NTRK3: variants seen among roughly 807,000 people sequenced by gnomAD.
The protein encoded by NTRK3 is NT-3 growth factor receptor.
A neutral mutation model predicts 91.7 loss-of-function variants in NTRK3; 24 were observed. The observed-to-expected ratio is 0.26, with a 90% CI of 0.19 to 0.37. The LOEUF is 0.37. Among genes scored for constraint, NTRK3 ranks in the 10% least tolerant of loss-of-function variants. NTRK3 has a pLI of 1.00. For missense variants in NTRK3, 880 were observed against 1,068.9 expected (o/e 0.82, Z 2.46); for synonymous variants, 483 against 404.0 (o/e 1.20, Z -2.34).
At chr15:88,064,184 A>G (rs2046449646) in intron 13 of NTRK3, among the ~76,000 whole-genome samples, 1 of 152,236 alleles carries the variant, frequency 6.6e-6, no homozygotes, top group Non-Finnish European at 1.5e-5. Flanking sequence ...AAAGAGACAA[A>G]GACAGATTTC....
chr15:88,037,532 T>C (rs961280116), intron 13 of NTRK3, among the ~76,000 whole-genome samples: 1 of 152,118 alleles, frequency 6.6e-6, no homozygotes, highest in Admixed American at 6.5e-5. Flanking sequence ...CACTGCACTC[T>C]AGCCTGGCAA....
intron 13 of NTRK3, among the ~76,000 whole-genome samples, chr15:88,034,781 A>G (rs895461905): frequency 2.0e-5 from 3 of 152,242 alleles, no homozygotes; most frequent in African/African-American, 7.2e-5. Context: ...TCCATGACAA[A>G]TATCTGACTG....
intron 3 of NTRK3, among the ~76,000 whole-genome samples, chr15:88,206,658 GAAAAAAAAA>G (rs758639696): frequency 1.7e-5 from 1 of 59,614 alleles, no homozygotes. Flanking sequence ...ACTCCGTCTC[GAAAAAAAAA>G]AAAAAAAAAA....
chr15:88,165,801 G>A (rs986008944), intron 5 of NTRK3, among the ~76,000 whole-genome samples: 5 of 152,186 alleles, frequency 3.3e-5, no homozygotes, highest in African/African-American at 7.2e-5. Context: ...CTGAGTCCAC[G>A]TGTCTAATTC....
intron 13 of NTRK3, among the ~76,000 whole-genome samples, chr15:88,058,801 C>T (rs963188040): frequency 6.6e-6 from 1 of 152,148 alleles, no homozygotes; most frequent in Admixed American, 6.5e-5. Flanking sequence ...TTCCAGAAAT[C>T]TCAATGTCAT....
At chr15:88,063,753 G>A (rs564184542) in intron 13 of NTRK3, among the ~76,000 whole-genome samples, 44 of 152,154 alleles carry the variant, frequency 2.9e-4, no homozygotes, top group Non-Finnish European at 5.4e-4. Context: ...CAATGGATAC[G>A]TGTTGAATAG....
At chr15:87,945,465 G>A (rs912774587) in intron 14 of NTRK3, among the ~76,000 whole-genome samples, 6 of 152,206 alleles carry the variant, frequency 3.9e-5, no homozygotes, top group East Asian at 3.9e-4. Context: ...TGCAGCAAGC[G>A]TGACCTAGAG....
At chr15:87,933,241 T>C (rs2141959370) in intron 15 of NTRK3, 57 bp from the exon 16 acceptor site, 2 of 1,566,672 alleles carry the variant, frequency 1.3e-6, no homozygotes, top group South Asian at 1.1e-5. Context: ...GGCTGTCTTT[T>C]CTACTCCTGG....
intron 3 of NTRK3, among the ~76,000 whole-genome samples, chr15:88,246,422 T>C (rs984847500): frequency 4.6e-5 from 7 of 152,174 alleles, no homozygotes; most frequent in African/African-American, 1.7e-4. Flanking sequence ...TGTCGTCCGG[T>C]AATTTCCAAG....
intron 17 of NTRK3, among the ~76,000 whole-genome samples, chr15:87,899,989 T>C (rs2066354220): frequency 6.6e-6 from 1 of 152,128 alleles, no homozygotes; most frequent in Non-Finnish European, 1.5e-5. Context: ...CTTTGAGTCA[T>C]GAAAAAAGAC....
chr15:87,991,376 C>T (rs1452504776), intron 14 of NTRK3, among the ~76,000 whole-genome samples: 1 of 152,194 alleles, frequency 6.6e-6, no homozygotes, highest in Non-Finnish European at 1.5e-5. Flanking sequence ...CAGATGATTT[C>T]TATGCAGAGT....
At chr15:88,086,230 AGTG>A (rs1398976465) in intron 13 of NTRK3, among the ~76,000 whole-genome samples, 1 of 152,192 alleles carries the variant, frequency 6.6e-6, no homozygotes, top group East Asian at 1.9e-4. Flanking sequence ...TATTTGTTCA[AGTG>A]TTCAAAAATT....
exon 19 of NTRK3, chr15:87,859,866 T>C (rs1233325860): frequency 1.1e-5 from 2 of 181,690 alleles, no homozygotes; most frequent in Non-Finnish European, 2.3e-5. Context: ...ACATTGAAGA[T>C]ATGATACTAT....
chr15:87,891,918 G>T (rs758009464), intron 17 of NTRK3, among the ~76,000 whole-genome samples: 2 of 152,146 alleles, frequency 1.3e-5, no homozygotes, highest in Non-Finnish European at 2.9e-5. Flanking sequence ...CATGCAAGAG[G>T]TTTCAAACCA....
chr15:88,071,108 C>A (rs1206653320), intron 13 of NTRK3, among the ~76,000 whole-genome samples: 1 of 152,184 alleles, frequency 6.6e-6, no homozygotes, highest in African/African-American at 2.4e-5. Flanking sequence ...GTCTAAACTG[C>A]CCAGGGAAGA....
chr15:87,918,226 C>G (rs1274174468), intron 17 of NTRK3, among the ~76,000 whole-genome samples: 1 of 152,180 alleles, frequency 6.6e-6, no homozygotes, highest in Non-Finnish European at 1.5e-5. Context: ...TTCCAGCAAT[C>G]TATCCCACAT....
Position 88,032,847 on chromosome 15 carries a change from C to T in NTRK3, c.1585+10G>A, listed in dbSNP as rs1388815659. On this transcript the variant is annotated intron_variant, in intron 14 of 18. Coordinates refer to ENST00000394480, the Ensembl canonical transcript of NTRK3. ...CCCCAGGAGGGAGAGCATTCCATCC[C>T]AGTACTTACACGTGTCCGGCTTGTG... 6 of 1,613,462 alleles carry T rather than the reference C, an allele frequency of 3.7e-6. No individual in the cohort carries two copies. The highest frequency in any genetic ancestry group is 1.3e-5 in the African/African-American group (1 of 74,828).
intron 5 of NTRK3, among the ~76,000 whole-genome samples, chr15:88,159,945 C>CACAT (rs1476412402): frequency 5.3e-4 from 23 of 43,304 alleles, no homozygotes; most frequent in African/African-American, 2.9e-3. Flanking sequence ...CAGCCTCCTA[C>CACAT]ACACACACAC....
chr15:87,885,526 C>G (rs760447168), intron 17 of NTRK3, among the ~76,000 whole-genome samples, 168 bp downstream of exon 18: 1 of 151,762 alleles, frequency 6.6e-6, no homozygotes, highest in Non-Finnish European at 1.5e-5. Context: ...GTAATGAACA[C>G]ATTGCATTTT....
Sources: allele counts gnomAD v4.1 joint callset (sites outside exome capture counted in the v4.1 genomes callset), GRCh38; gene constraint gnomAD v4.1.1; transcripts MANE v1.5; gene names NCBI Gene and HGNC (gene_info 2026-07-23, HGNC 2026-07-21).